The following CNTNAP2 variants were observed in gnomAD, a reference collection of about 807,000 sequenced individuals.
CNTNAP2 encodes contactin associated protein 2, also known as contactin-associated protein-like 2.
A neutral mutation model predicts 155.2 loss-of-function variants in CNTNAP2; 98 were observed. The ratio of observed to expected loss-of-function variants is 0.63; its 90% CI spans 0.54 to 0.75. The LOEUF (loss-of-function observed/expected upper bound fraction) is 0.75, where lower values mean the gene tolerates loss of function less well. Among genes scored for constraint, CNTNAP2 ranks in the 30% least tolerant of loss-of-function variants. The probability of loss-of-function intolerance (pLI) is 0.00; values close to 1 mark genes in which losing one functional copy is unlikely to be tolerated. For synonymous variants in CNTNAP2, 651 were observed against 631.2 expected, an observed-to-expected ratio of 1.03 and a Z score of -0.47; for missense variants, 1,727 against 1,688.1, an observed-to-expected ratio of 1.02 and a Z score of -0.40.
chr7:148,079,811 C>A (rs1803561399), intron 15 of CNTNAP2, among the ~76,000 whole-genome samples: 1 of 152,150 alleles, frequency 6.6e-6, no homozygotes, highest in Non-Finnish European at 1.5e-5. Context: ...TCAGCTGTGC[C>A]TGGATTCCAA....
intron 3 of CNTNAP2, among the ~76,000 whole-genome samples, chr7:146,949,128 G>T (rs938314288): frequency 6.6e-6 from 1 of 152,110 alleles, no homozygotes. Context: ...TTCATAATAG[G>T]TTCATCTTTG....
At chr7:146,890,805 G>A (rs1795759282) in intron 3 of CNTNAP2, among the ~76,000 whole-genome samples, 1 of 152,154 alleles carries the variant, frequency 6.6e-6, no homozygotes, top group South Asian at 2.1e-4. Context: ...GTTTACATCA[G>A]CCTGTGTAAC....
intron 3 of CNTNAP2, among the ~76,000 whole-genome samples, chr7:146,842,987 T>C (rs1585118185): frequency 2.0e-5 from 2 of 98,846 alleles, no homozygotes; most frequent in South Asian, 3.8e-4. Context: ...GCCCGGCCTG[T>C]CCCACACTTT....
At chr7:147,247,959 G>C (rs1804102405) in intron 8 of CNTNAP2, among the ~76,000 whole-genome samples, 1 of 151,902 alleles carries the variant, frequency 6.6e-6, no homozygotes, top group Non-Finnish European at 1.5e-5. Context: ...AGGTATAAGG[G>C]GATGATAAAG....
intron 8 of CNTNAP2, among the ~76,000 whole-genome samples, chr7:147,209,714 T>G (rs1465778186): frequency 6.6e-6 from 1 of 152,028 alleles, no homozygotes; most frequent in Non-Finnish European, 1.5e-5. Context: ...TGATGTTGGC[T>G]GTGGGTTGTC....
At chr7:147,616,487 CTCTT>C (rs370106137) in intron 12 of CNTNAP2, among the ~76,000 whole-genome samples, 61 of 152,286 alleles carry the variant, frequency 4.0e-4, no homozygotes, top group African/African-American at 1.3e-3. Context: ...ACTCTTTTCT[CTCTT>C]TATTGTATTC....
At chr7:147,902,674 T>C (rs966965308) in intron 13 of CNTNAP2, among the ~76,000 whole-genome samples, 1 of 152,204 alleles carries the variant, frequency 6.6e-6, no homozygotes, top group East Asian at 1.9e-4. Context: ...TTTCCATTCC[T>C]GAGTTACTTC....
At chr7:147,126,554 A>G (rs118071403) in intron 6 of CNTNAP2, among the ~76,000 whole-genome samples, 1,889 of 152,248 alleles carry the variant, frequency 0.012, 13 homozygotes, top group Admixed American at 0.019. Flanking sequence ...GCTCACCGCA[A>G]TCTCCGCCTC....
chr7:147,945,840 C>CTCTTT (rs200292303), intron 14 of CNTNAP2, among the ~76,000 whole-genome samples: 3,006 of 149,680 alleles, frequency 0.02, 108 homozygotes, highest in African/African-American at 0.07. Flanking sequence ...CCACTTACTT[C>CTCTTT]TCTTTTCTTT....
chr7:146,912,574 A>G (rs1013719801), intron 3 of CNTNAP2, among the ~76,000 whole-genome samples: 3 of 152,092 alleles, frequency 2.0e-5, no homozygotes, highest in African/African-American at 4.8e-5. Flanking sequence ...TTTATATTCA[A>G]ATACCTGTAG....
At chr7:148,152,532 C>T (rs945856756) in intron 17 of CNTNAP2, among the ~76,000 whole-genome samples, 1 of 152,130 alleles carries the variant, frequency 6.6e-6, no homozygotes, top group Non-Finnish European at 1.5e-5. Context: ...GAGGAAGCCA[C>T]AAATCTTGTG....
intron 4 of CNTNAP2, among the ~76,000 whole-genome samples, chr7:147,098,251 C>T (rs1012583795): frequency 6.6e-6 from 1 of 152,118 alleles, no homozygotes; most frequent in African/African-American, 2.4e-5. Flanking sequence ...CACACATGGG[C>T]CCTCAGCTTC....
chr7:146,524,974 A>G (rs1797667077), intron 1 of CNTNAP2, among the ~76,000 whole-genome samples: 1 of 152,114 alleles, frequency 6.6e-6, no homozygotes, highest in Non-Finnish European at 1.5e-5. Flanking sequence ...TAAAAATGAG[A>G]GCCTGCCATA....
chr7:146,777,511 A>C (rs1412295853), intron 2 of CNTNAP2, among the ~76,000 whole-genome samples: 1 of 152,132 alleles, frequency 6.6e-6, no homozygotes, highest in Non-Finnish European at 1.5e-5. Context: ...GAAAGGTTAT[A>C]TCCTCTCCAA....
At chr7:148,209,022 C>T (rs1376926126) in intron 18 of CNTNAP2, among the ~76,000 whole-genome samples, 1 of 152,140 alleles carries the variant, frequency 6.6e-6, no homozygotes, top group Non-Finnish European at 1.5e-5. Context: ...TAAATACCAT[C>T]ATAAAAATGA....
chr7:146,769,680 T>C (rs186157847), intron 1 of CNTNAP2, among the ~76,000 whole-genome samples: 152 of 152,272 alleles, frequency 1.0e-3, no homozygotes, highest in African/African-American at 3.5e-3. Flanking sequence ...TCATTCTGAT[T>C]CCTAAGTTCC....
At chr7:146,334,874 A>G (rs2129095449) in intron 1 of CNTNAP2, among the ~76,000 whole-genome samples, 1 of 152,304 alleles carries the variant, frequency 6.6e-6, no homozygotes, top group East Asian at 1.9e-4. Flanking sequence ...ATGTAGGTTA[A>G]TATCCTCACT....
At chr7:147,064,879 C>A (rs538283742) in intron 4 of CNTNAP2, among the ~76,000 whole-genome samples, 1 of 152,230 alleles carries the variant, frequency 6.6e-6, no homozygotes, top group Non-Finnish European at 1.5e-5. Flanking sequence ...GACTGTGAAG[C>A]CCACATCAAT....
chr7:146,681,683 G>T (rs2129169978), intron 1 of CNTNAP2, among the ~76,000 whole-genome samples: 1 of 151,946 alleles, frequency 6.6e-6, no homozygotes, highest in East Asian at 1.9e-4. Context: ...TGGGTACTAG[G>T]CTTAATACCT....
Sources: gnomAD v4.1 joint callset for allele counts (sites outside exome capture counted in the v4.1 genomes callset) on GRCh38, gnomAD v4.1.1 for gene constraint, MANE v1.5 for transcripts, NCBI Gene and HGNC (gene_info 2026-07-23, HGNC 2026-07-21) for gene names.